Variants in VEPH1 observed in about 807,000 individuals in gnomAD.
VEPH1 encodes ventricular zone-expressed PH domain-containing protein homolog 1.
In VEPH1, 80 loss-of-function variants were observed where a neutral mutation model predicts 85.2. The ratio of observed to expected loss-of-function variants is 0.94; its 90% CI spans 0.78 to 1.13. The LOEUF is 1.13. VEPH1 is among the 50% of genes most tolerant of loss of function. VEPH1 has a pLI of 0.00. For synonymous variants in VEPH1, 297 were observed against 348.0 expected (o/e 0.85, Z 1.63); for missense variants, 955 against 980.5 (o/e 0.97, Z 0.35).
chr3:157,459,531 A>C, intron 4 of VEPH1: 1 of 897,480 alleles, frequency 1.1e-6, no homozygotes, highest in South Asian at 3.5e-5. Context: ...CACATCAATT[A>C]ATATCATGTA....
At chr3:157,370,130 C>T (rs1029735470) in intron 7 of VEPH1, among the ~76,000 whole-genome samples, 1 of 152,150 alleles carries the variant, frequency 6.6e-6, no homozygotes, top group Non-Finnish European at 1.5e-5. Context: ...GTTGCCAAAG[C>T]AAAGTTTTTA....
chr3:157,266,485 A>T (rs1388706961), intron 12 of VEPH1, among the ~76,000 whole-genome samples: 3 of 152,100 alleles, frequency 2.0e-5, no homozygotes, highest in Non-Finnish European at 4.4e-5. Context: ...TTGTAGATAG[A>T]TATTAGTGCT....
At chr3:157,378,815 G>A (rs1336290599) in intron 7 of VEPH1, among the ~76,000 whole-genome samples, 2 of 151,998 alleles carry the variant, frequency 1.3e-5, no homozygotes, top group African/African-American at 4.8e-5. Context: ...ATTTCTATGC[G>A]GTCATTCAAG....
intron 11 of VEPH1, among the ~76,000 whole-genome samples, chr3:157,304,919 AGT>A (rs1719290515): frequency 6.6e-6 from 1 of 151,980 alleles, no homozygotes; most frequent in Non-Finnish European, 1.5e-5. Context: ...ATTTACTGTA[AGT>A]GTGTTTCATA....
chr3:157,338,042 G>A (rs776274407), intron 9 of VEPH1, among the ~76,000 whole-genome samples: 14 of 152,002 alleles, frequency 9.2e-5, no homozygotes, highest in Admixed American at 6.6e-5. Flanking sequence ...TCCTAGATAT[G>A]GGTGGGCTGG....
intron 11 of VEPH1, among the ~76,000 whole-genome samples, chr3:157,303,578 T>G (rs1719079092): frequency 1.3e-5 from 2 of 152,210 alleles, no homozygotes; most frequent in Admixed American, 1.3e-4. Flanking sequence ...TTTCAATTTC[T>G]ACCACTTTCC....
intron 6 of VEPH1, among the ~76,000 whole-genome samples, chr3:157,394,429 T>C (rs1325139387): frequency 2.6e-5 from 4 of 152,190 alleles, no homozygotes; most frequent in African/African-American, 7.2e-5. Context: ...CATGGCTCAG[T>C]TTATTAAAAG....
intron 6 of VEPH1, among the ~76,000 whole-genome samples, chr3:157,383,070 C>A (rs1029633894): frequency 6.6e-6 from 1 of 152,040 alleles, no homozygotes; most frequent in African/African-American, 2.4e-5. Context: ...CTCAAGTAAT[C>A]CTCCTGCCTC....
At chr3:157,410,259 T>G (rs1013891881) in intron 6 of VEPH1, among the ~76,000 whole-genome samples, 27 of 152,012 alleles carry the variant, frequency 1.8e-4, no homozygotes, top group African/African-American at 6.0e-4. Flanking sequence ...ACCCCCAAAA[T>G]CCCCATGCCT....
intron 6 of VEPH1, among the ~76,000 whole-genome samples, chr3:157,402,268 A>G (rs1318127035): frequency 1.3e-5 from 2 of 152,062 alleles, no homozygotes; most frequent in Non-Finnish European, 2.9e-5. Flanking sequence ...TTTATTTTGT[A>G]TTTACTAGCC....
At chr3:157,472,262 T>C (rs979431732) in intron 2 of VEPH1, among the ~76,000 whole-genome samples, 2 of 152,208 alleles carry the variant, frequency 1.3e-5, no homozygotes, top group African/African-American at 2.4e-5. Flanking sequence ...TCACCATTTA[T>C]TACTTTAGAA....
intron 6 of VEPH1, among the ~76,000 whole-genome samples, chr3:157,393,185 G>C (rs1394662939): frequency 1.3e-5 from 2 of 152,222 alleles, no homozygotes; most frequent in African/African-American, 4.8e-5. Context: ...GATGATGGTA[G>C]AGAGAGAATA....
chr3:157,276,837 G>A (rs1715464209), intron 12 of VEPH1, among the ~76,000 whole-genome samples: 1 of 152,080 alleles, frequency 6.6e-6, no homozygotes, highest in East Asian at 1.9e-4. Context: ...GGACTGCTGT[G>A]CAATGACTGA....
chr3:157,488,509 T>TTC (rs1225364114), intron 2 of VEPH1, among the ~76,000 whole-genome samples: 24 of 147,972 alleles, frequency 1.6e-4, no homozygotes, highest in African/African-American at 4.5e-4. Context: ...CTTTCTTTCT[T>TTC]TTTTTTTTTT....
At chr3:157,385,953 T>G (rs1729241300) in intron 6 of VEPH1, among the ~76,000 whole-genome samples, 1 of 152,218 alleles carries the variant, frequency 6.6e-6, no homozygotes, top group Non-Finnish European at 1.5e-5. Flanking sequence ...TTTGATGCAT[T>G]TCATTATATA....
intron 6 of VEPH1, among the ~76,000 whole-genome samples, chr3:157,409,214 G>C (rs1451216570): frequency 2.0e-5 from 3 of 152,018 alleles, no homozygotes; most frequent in Non-Finnish European, 4.4e-5. Context: ...TGTCTGAAAG[G>C]TTTCCACTGC....
chr3:157,261,297 C>A lies in VEPH1; in HGVS notation c.2339G>T (p.Arg780Met). The change falls in exon 14 of 14, where the codon AGG becomes ATG. Residue 780 changes from arginine to methionine, a missense_variant. Transcript: ENST00000362010. The stretch of plus-strand genomic sequence containing the variant: ...GAAAGCCCGGGGGAGAGAGCGGTCC[C>A]TGCGTTTCTTGGCCACAGCCTTCAC... ...QSVKAVAKKR[R>M]DRSLPRAFEI... 6.2e-7 allele frequency: 1 copy of A among 1,613,682 alleles called. No individual in the cohort carries two copies. The highest frequency in any genetic ancestry group is 8.5e-7 in the Non-Finnish European group (1 of 1,179,764).
intron 6 of VEPH1, among the ~76,000 whole-genome samples, chr3:157,397,424 G>A (rs537352464): frequency 2.0e-5 from 3 of 152,234 alleles, no homozygotes; most frequent in Non-Finnish European, 4.4e-5. Flanking sequence ...CTCTTTTTTG[G>A]TTCCATATGA....
chr3:157,426,440 A>C (rs1350678908), intron 5 of VEPH1, among the ~76,000 whole-genome samples: 2 of 152,318 alleles, frequency 1.3e-5, no homozygotes, highest in East Asian at 3.9e-4. Flanking sequence ...AAATCTGAGA[A>C]ATCAAAATAG....
Sources: gnomAD v4.1 joint callset for allele counts (sites outside exome capture counted in the v4.1 genomes callset) on GRCh38, gnomAD v4.1.1 for gene constraint, MANE v1.5 for transcripts, NCBI Gene and HGNC (gene_info 2026-07-23, HGNC 2026-07-21) for gene names.